Variants in ABCA9 observed in about 807,000 individuals in gnomAD.
ABCA9 encodes ATP-binding cassette sub-family A member 9.
A neutral mutation model predicts 205.3 loss-of-function variants in ABCA9; 183 were observed. That is an observed-to-expected ratio of 0.89 (90% CI 0.79 to 1.01). The LOEUF (loss-of-function observed/expected upper bound fraction) is 1.01. Ranked by LOEUF, ABCA9 falls within the 50% of genes least tolerant of loss-of-function variation. The pLI is 0.00. For missense variants in ABCA9, 1,805 were observed against 1,912.4 expected (o/e 0.94, Z 1.05); for synonymous variants, 651 against 683.3 (o/e 0.95, Z 0.74).
At chr17:69,030,051 A>G (rs1191531725) in intron 10 of ABCA9, among the ~76,000 whole-genome samples, 1 of 152,190 alleles carries the variant, frequency 6.6e-6, no homozygotes, top group Non-Finnish European at 1.5e-5. Context: ...AGTTAAAAAG[A>G]AGAAAAAAGA....
chr17:69,067,857 T>C, the ABCA9 span, among the ~76,000 whole-genome samples: 1 of 152,190 alleles, frequency 6.6e-6, no homozygotes, highest in Non-Finnish European at 1.5e-5. Context: ...CCATTGCATT[T>C]CTTGTCAGCT....
In ABCA9 at chr17:69,011,835, AATTATT is replaced by A. The variant is rs1268115575; in HGVS notation, c.3147+135_3147+140del. 1.0e-5 allele frequency: 5 copies of A among 490,820 alleles called. No homozygotes were observed. The Admixed American group carries it at 2.0e-4, about 20-fold the overall frequency. The allele number at this position is 490,820 out of a possible 1,614,324, so 30.4% of individuals were successfully genotyped here. On this transcript the variant is annotated intron_variant, in intron 23 of 38. Coordinates refer to ENST00000340001, the MANE Select transcript of ABCA9 (RefSeq NM_080283.4). ...AGATAGCATTTTCTTCATATTTGACAATTATTATTAAAGTGCTTGATTATTCATTGC... is the reference window on the plus strand; with the variant it reads ...AGATAGCATTTTCTTCATATTTGACAATTAAAGTGCTTGATTATTCATTGC...
At chr17:69,036,775 T>A (rs2071352468) in intron 6 of ABCA9, among the ~76,000 whole-genome samples, 1 of 149,642 alleles carries the variant, frequency 6.7e-6, no homozygotes, top group African/African-American at 2.5e-5. Context: ...TCAAGACCCA[T>A]TTGTGTGCCG....
At chr17:69,024,430 C>A in intron 16 of ABCA9, 77 bp from the exon 17 acceptor site, 1 of 1,340,130 alleles carries the variant, frequency 7.5e-7, no homozygotes, top group Non-Finnish European at 1.0e-6. Context: ...GTAGTATGTG[C>A]TTGTCACTTT....
rs745846259 is a variant in ABCA9 at position 69,043,716 on chromosome 17, C to A, written c.574-1G>T. ...CCATCACTGAATGATTTGTTGCGAT[C>A]TGAAGAAAGATATCAATGAACAAAT... is the stretch of plus-strand genomic sequence containing the variant. On this transcript the variant is annotated splice_acceptor_variant, in intron 5 of 38. Coordinates refer to ENST00000340001, the MANE Select transcript of ABCA9 (RefSeq NM_080283.4). LOFTEE classifies it high-confidence loss of function. The A allele has an allele frequency of 1.3e-6, 2 of 1,584,250 alleles. No individual in the cohort carries two copies. The highest frequency in any genetic ancestry group is 1.2e-5 in the South Asian group (1 of 85,390).
intron 8 of ABCA9, 83 bp from the exon 9 acceptor site, chr17:69,033,956 G>A: frequency 1.7e-6 from 2 of 1,161,686 alleles, no homozygotes; most frequent in Non-Finnish European, 2.5e-6. Context: ...CTACAACTGG[G>A]TTTGCAAAGA....
At chr17:68,976,836 A>G (rs968487149) in intron 37 of ABCA9, among the ~76,000 whole-genome samples, 2 of 152,168 alleles carry the variant, frequency 1.3e-5, no homozygotes, top group African/African-American at 4.8e-5. Flanking sequence ...GAATTATCCT[A>G]TTTTGAGTTT....
chr17:69,073,704 G>A, the ABCA9 span, among the ~76,000 whole-genome samples: 1 of 152,116 alleles, frequency 6.6e-6, no homozygotes, highest in Non-Finnish European at 1.5e-5. Context: ...AGAAGCAAGA[G>A]CAAACAAATT....
chr17:68,982,665 T>A, intron 36 of ABCA9, 24 bp from the exon 37 acceptor site: 1 of 1,595,258 alleles, frequency 6.3e-7, no homozygotes, highest in Non-Finnish European at 8.6e-7. Context: ...ACAGTGAGGC[T>A]GAACTCCAGG....
intron 4 of ABCA9, among the ~76,000 whole-genome samples, chr17:69,044,956 A>G (rs1290739336): frequency 1.3e-5 from 2 of 152,140 alleles, no homozygotes; most frequent in East Asian, 3.9e-4. Flanking sequence ...TTTAGGAGCA[A>G]CTTAGAAATA....
At chr17:68,993,447 T>C (rs1378078843) in intron 26 of ABCA9, among the ~76,000 whole-genome samples, 4 of 152,364 alleles carry the variant, frequency 2.6e-5, no homozygotes, top group East Asian at 3.9e-4. Context: ...CCCTCGATTA[T>C]GCCCCCAAGG....
At chr17:69,044,839 G>A (rs1305190878) in intron 4 of ABCA9, among the ~76,000 whole-genome samples, 21 of 152,158 alleles carry the variant, frequency 1.4e-4, no homozygotes. Context: ...CATTGGTCAA[G>A]ATTGCTTTCC....
chr17:69,001,040 A>G (rs1213007041), intron 25 of ABCA9, among the ~76,000 whole-genome samples: 2 of 152,104 alleles, frequency 1.3e-5, no homozygotes, highest in African/African-American at 4.8e-5. Context: ...TGGGTTTTCT[A>G]GATATACAAT....
intron 25 of ABCA9, among the ~76,000 whole-genome samples, chr17:69,000,843 C>T (rs1208032898): frequency 1.3e-5 from 2 of 148,812 alleles, no homozygotes; most frequent in African/African-American, 5.1e-5. Flanking sequence ...CTTCACATCC[C>T]TTGTAAGTTG....
At chr17:69,014,513 TAAC>T (rs1313933358) in intron 22 of ABCA9, among the ~76,000 whole-genome samples, 1 of 152,136 alleles carries the variant, frequency 6.6e-6, no homozygotes, top group Non-Finnish European at 1.5e-5. Flanking sequence ...ATAGGAATAG[TAAC>T]AACTATTTCA....
chr17:69,075,819 G>C, the ABCA9 span, among the ~76,000 whole-genome samples: 1 of 152,018 alleles, frequency 6.6e-6, no homozygotes, highest in African/African-American at 2.4e-5. Context: ...AGATTGCTTT[G>C]GGGAGTATGG....
At chr17:68,997,417 A>T (rs2069659272) in intron 25 of ABCA9, among the ~76,000 whole-genome samples, 1 of 152,096 alleles carries the variant, frequency 6.6e-6, no homozygotes, top group Non-Finnish European at 1.5e-5. Context: ...ATATTTAAGT[A>T]TTCTATGATT....
the ABCA9 span, among the ~76,000 whole-genome samples, chr17:69,069,291 G>A: frequency 6.6e-6 from 1 of 152,176 alleles, no homozygotes; most frequent in East Asian, 1.9e-4. Context: ...GAAATTGGTA[G>A]GACGGAATGC....
rs2068856147 is a variant in ABCA9 at position 68,974,556 on chromosome 17, G to T, written c.*1359C>A. ...TATAAGAACTAAAATCAAAGCCAAG[G>T]TCTTTCACACAACTTCCTTCAAGTA... is the stretch of plus-strand genomic sequence containing the variant. On this transcript the variant is annotated 3_prime_UTR_variant, in exon 39 of 39. Coordinates refer to ENST00000340001, the MANE Select transcript of ABCA9 (RefSeq NM_080283.4). The T allele has an allele frequency of 1.3e-5, 2 of 152,260 alleles. No individual in the cohort carries two copies. Among genetic ancestry groups the T allele is most frequent in the South Asian group, 4.2e-4 (2 of 4,814 alleles). 9.4% of individuals were successfully genotyped at this position (152,260 alleles called of 1,614,324 possible).
Sources: allele counts gnomAD v4.1 joint callset (sites outside exome capture counted in the v4.1 genomes callset), GRCh38; gene constraint gnomAD v4.1.1; transcripts MANE v1.5; gene names NCBI Gene and HGNC (gene_info 2026-07-23, HGNC 2026-07-21).